KMT2C: variants seen among roughly 807,000 people sequenced by gnomAD.
KMT2C encodes the protein histone-lysine N-methyltransferase 2C.
A neutral mutation model predicts 507.9 loss-of-function variants in KMT2C; 88 were observed. The observed-to-expected ratio is 0.17, with a 90% confidence interval of 0.15 to 0.21. The LOEUF is 0.21. KMT2C is among the 10% of genes least tolerant of loss of function. KMT2C has a pLI of 1.00. For missense variants in KMT2C, 4,954 were observed against 5,957.8 expected, an observed-to-expected ratio of 0.83 and a Z score of 5.55; for synonymous variants, 2,049 against 2,080.8, an observed-to-expected ratio of 0.98 and a Z score of 0.42.
intron 55 of KMT2C, among the ~76,000 whole-genome samples, chr7:152,142,028 G>T (rs2090623450): frequency 6.6e-6 from 1 of 152,286 alleles, no homozygotes; most frequent in East Asian, 1.9e-4. Context: ...TCTCAAAGAA[G>T]AAGAAAGAAA....
chr7:152,239,006 T>G (rs2095335044), intron 14 of KMT2C, 180 bp from the exon 15 acceptor site: 2 of 530,464 alleles, frequency 3.8e-6, no homozygotes, highest in Non-Finnish European at 6.7e-6. Flanking sequence ...CATTTAAGTA[T>G]AACTTAAATG....
Position 152,414,611 on chromosome 7 carries a change from C to CT in KMT2C, c.161+21014dup, listed in dbSNP as rs904538805. Among the ~76,000 whole-genome samples the CT allele has an allele frequency of 3.8e-3, 535 of 142,400 alleles. 2 individuals are homozygous for CT. Among genetic ancestry groups the CT allele is most frequent in the Middle Eastern group, 0.018 (5 of 280 alleles). The allele number at this position is 142,400 out of a possible 152,430, so 93.4% of individuals were successfully genotyped here. A position where few individuals can be genotyped will look rare whatever the true frequency, so the allele number is the denominator to read the frequency against. On this transcript the variant is annotated intron_variant, in intron 1 of 58. Transcript: ENST00000262189. ...TAAAAATACTGTATTTGGAAAAAATCTTTTTTTTTTTTTAGCTGGGATTAC... is the reference window on the plus strand; with the variant it reads ...TAAAAATACTGTATTTGGAAAAAATCTTTTTTTTTTTTTTAGCTGGGATTAC...
At chr7:152,407,671 C>CAAAA (rs11440446) in intron 1 of KMT2C, among the ~76,000 whole-genome samples, 4 of 136,256 alleles carry the variant, frequency 2.9e-5, no homozygotes, top group African/African-American at 8.1e-5. Context: ...GACTCTGTCT[C>CAAAA]AAAAAAAAAA....
In KMT2C at chr7:152,308,673, C is replaced by CAAAAAAAAAAAAAAAAAA. The variant is rs938826373; in HGVS notation, c.849+1275_849+1292dup. Among the ~76,000 whole-genome samples, 9 of 24,566 alleles carry CAAAAAAAAAAAAAAAAAA rather than the reference C, an allele frequency of 3.7e-4. 1 individual carries two copies. The highest frequency in any genetic ancestry group is 1.5e-3 in the East Asian group (1 of 646). The allele number at this position is 24,566 out of a possible 152,430, so 16.1% of individuals were successfully genotyped here. A position where few individuals can be genotyped will look rare whatever the true frequency, so the allele number is the denominator to read the frequency against. On this transcript the variant is annotated intron_variant, in intron 6 of 58. Coordinates refer to ENST00000262189, the MANE Select transcript of KMT2C (RefSeq NM_170606.3). ...CTGCACAACACAGCAAAACTCCTCT[C>CAAAAAAAAAAAAAAAAAA]AAAAAAAAAAAAAAAAAAAAAAAAA...
intron 1 of KMT2C, among the ~76,000 whole-genome samples, chr7:152,432,905 G>C (rs2097876962): frequency 6.6e-6 from 1 of 152,016 alleles, no homozygotes; most frequent in Non-Finnish European, 1.5e-5. Context: ...CTGGCACTTT[G>C]GGAGGCTGAG....
chr7:152,246,072 C>T (rs1474117696), intron 14 of KMT2C, among the ~76,000 whole-genome samples: 4 of 152,096 alleles, frequency 2.6e-5, no homozygotes, highest in East Asian at 1.9e-4. Context: ...TTCTAATATA[C>T]GGATATACAC....
intron 9 of KMT2C, among the ~76,000 whole-genome samples, chr7:152,260,733 A>T (rs1275895560): frequency 1.3e-5 from 2 of 152,278 alleles, no homozygotes; most frequent in Non-Finnish European, 2.9e-5. Context: ...GTAGGGTTTC[A>T]GAAAATTTAT....
chr7:152,222,303 T>C (rs2094799758), intron 21 of KMT2C, among the ~76,000 whole-genome samples: 2 of 152,230 alleles, frequency 1.3e-5, no homozygotes, highest in South Asian at 4.1e-4. Flanking sequence ...TTCTGACATA[T>C]TGTCAATAAC....
In KMT2C at chr7:152,135,654, G is replaced by GA. The variant is rs1426501178; in HGVS notation, c.*1177dup. ...TCTAATCAAAACTACTTTTGCTGAA[G>GA]AAAAAATTCAGCCTCCATTTGGGTG... On this transcript the variant is annotated 3_prime_UTR_variant, in exon 59 of 59. Coordinates refer to ENST00000262189, the MANE Select transcript of KMT2C (RefSeq NM_170606.3). The GA allele has an allele frequency of 2.2e-5, 5 of 226,482 alleles. No homozygotes were observed. Among genetic ancestry groups the GA allele is most frequent in the Non-Finnish European group, 3.5e-5 (4 of 113,916 alleles). 14.0% of individuals were successfully genotyped at this position (226,482 alleles called of 1,614,324 possible). A position where few individuals can be genotyped will look rare whatever the true frequency, so the allele number is the denominator to read the frequency against.
intron 53 of KMT2C, among the ~76,000 whole-genome samples, chr7:152,145,793 C>T (rs1180590912): frequency 1.3e-5 from 2 of 152,194 alleles, no homozygotes; most frequent in African/African-American, 2.4e-5. Flanking sequence ...ATGAGGTTAT[C>T]GCTCTCCATG....
intron 6 of KMT2C, among the ~76,000 whole-genome samples, chr7:152,289,609 T>C (rs1289340269): frequency 1.3e-5 from 2 of 152,160 alleles, no homozygotes; most frequent in African/African-American, 4.8e-5. Flanking sequence ...AGGAATAAAG[T>C]GAGCCTGTCA....
At chr7:152,158,798 AG>A in intron 44 of KMT2C, 64 bp downstream of exon 44, 3 of 1,446,736 alleles carry the variant, frequency 2.1e-6, no homozygotes, top group Non-Finnish European at 2.9e-6. Flanking sequence ...TACAGGCATG[AG>A]CCACTGCCCC....
At chr7:152,247,788 G>A (rs2095499026) in intron 14 of KMT2C, 114 bp downstream of exon 14, 16 of 857,450 alleles carry the variant, frequency 1.9e-5, no homozygotes, top group Middle Eastern at 2.6e-4. Context: ...TTACACTGAA[G>A]TTCTATCTGA....
At position 152,199,509 on chromosome 7, in the gene KMT2C, C is replaced by T. The variant is rs747812102; in HGVS notation, c.4093-50G>A. On this transcript the variant is annotated intron_variant, in intron 26 of 58. Transcript: ENST00000262189. ...AAATGGTTAGAAAATTCTAAAAAGA[C>T]AATAGATTATTCTGTCATGGTTTTT... The T allele has an allele frequency of 4.3e-6, 5 of 1,169,032 alleles. No individual in the cohort carries two copies. In the Admixed American group the frequency reaches 1.4e-4, roughly 33 times the overall value. 72.4% of individuals were successfully genotyped at this position (1,169,032 alleles called of 1,614,324 possible).
At chr7:152,421,228 A>G (rs1268228365) in intron 1 of KMT2C, among the ~76,000 whole-genome samples, 2 of 152,182 alleles carry the variant, frequency 1.3e-5, no homozygotes, top group Non-Finnish European at 1.5e-5. Flanking sequence ...CTATGATTAA[A>G]AAGTCACACA....
chr7:152,263,797 C>G (rs1005580366), intron 8 of KMT2C, among the ~76,000 whole-genome samples: 4 of 152,082 alleles, frequency 2.6e-5, no homozygotes, highest in Admixed American at 2.6e-4. Context: ...CTCTTCTGCC[C>G]CCAAAGATTG....
intron 6 of KMT2C, among the ~76,000 whole-genome samples, chr7:152,308,156 G>A (rs557560291): frequency 6.6e-6 from 1 of 152,222 alleles, no homozygotes; most frequent in East Asian, 1.9e-4. Context: ...CTACTCTTGA[G>A]GTGATGCTTA....
At chr7:152,312,867 T>C (rs951913833) in intron 4 of KMT2C, among the ~76,000 whole-genome samples, 1 of 152,192 alleles carries the variant, frequency 6.6e-6, no homozygotes, top group Non-Finnish European at 1.5e-5. Context: ...TAAATCACTA[T>C]TGAATATAGA....
chr7:152,152,356 C>A (rs1563159428), intron 49 of KMT2C, among the ~76,000 whole-genome samples: 2 of 152,180 alleles, frequency 1.3e-5, no homozygotes, highest in Non-Finnish European at 2.9e-5. Flanking sequence ...GTCAGGTCAC[C>A]AGCCCCATCT....
Sources: allele counts gnomAD v4.1 joint callset (sites outside exome capture counted in the v4.1 genomes callset), GRCh38; gene constraint gnomAD v4.1.1; transcripts MANE v1.5; gene names NCBI Gene and HGNC (gene_info 2026-07-23, HGNC 2026-07-21).